The following FREM2 variants were observed in gnomAD, a reference collection of about 807,000 sequenced individuals.
The protein encoded by FREM2 is FRAS1-related extracellular matrix protein 2.
A neutral mutation model predicts 219.9 loss-of-function variants in FREM2; 119 were observed. The ratio of observed to expected loss-of-function variants is 0.54; its 90% confidence interval spans 0.47 to 0.63. The LOEUF (loss-of-function observed/expected upper bound fraction) is 0.63, where lower values mean the gene tolerates loss of function less well. FREM2 is among the 30% of genes least tolerant of loss of function. The probability of loss-of-function intolerance (pLI) is 0.00; values close to 1 mark genes in which losing one functional copy is unlikely to be tolerated. For missense variants in FREM2, 4,030 were observed against 3,993.6 expected (o/e 1.01, Z -0.25); for synonymous variants, 1,562 against 1,522.8 (o/e 1.03, Z -0.60).
intron 2 of FREM2, among the ~76,000 whole-genome samples, chr13:38,752,875 C>CT (rs2137796115): frequency 6.6e-6 from 1 of 152,292 alleles, no homozygotes; most frequent in African/African-American, 2.4e-5. Context: ...AGAACCACTG[C>CT]TTTCCTTTAG....
At chr13:38,875,644 G>GT (rs1299096311) in intron 18 of FREM2, among the ~76,000 whole-genome samples, 2 of 152,328 alleles carry the variant, frequency 1.3e-5, no homozygotes, top group East Asian at 3.9e-4. Context: ...AGTTCAGCTC[G>GT]TAACTTCAGT....
chr13:38,718,784 AG>A (rs1206076016), intron 2 of FREM2, among the ~76,000 whole-genome samples: 1 of 152,234 alleles, frequency 6.6e-6, no homozygotes, highest in Non-Finnish European at 1.5e-5. Flanking sequence ...GCAGGTTGGT[AG>A]GTGGGCCAGC....
Position 38,880,545 on chromosome 13 carries a change from G to A in FREM2, c.9268G>A (p.Gly3090Arg). 6.2e-7 allele frequency: 1 copy of A among 1,614,176 alleles called. No individual in the cohort carries two copies. Among genetic ancestry groups the A allele is most frequent in the South Asian group, 1.1e-5 (1 of 91,082 alleles). Reference protein sequence around the residue: ...LDRTKRQIPHGRAPPDGILPW... With the variant: ...LDRTKRQIPHRRAPPDGILPW... ...CCGCACCAAGAGGCAGATCCCCCATGGGAGAGCACCTCCAGATGGCATCCT... is the reference window on the plus strand; with the variant it reads ...CCGCACCAAGAGGCAGATCCCCCATAGGAGAGCACCTCCAGATGGCATCCT... The change falls in exon 24 of 24, where the codon GGG (glycine) becomes AGG (arginine). Residue 3090 changes from glycine (G) to arginine (R), a missense_variant. This residue lies in a region of FREM2 where 928 missense variants were observed against 1,042.9 expected (regional missense o/e 0.89). Transcript: ENST00000280481.
Position 38,764,804 on chromosome 13 carries a change from T to C in FREM2, c.5410+354T>C, listed in dbSNP as rs142045499. On this transcript the variant is annotated intron_variant, in intron 3 of 23. Transcript: ENST00000280481. ...TCGTGACCTTTCTTTGTAACAACAGTAAATTGTTAAATACTAATGATTTTC... is the reference window on the plus strand; with the variant it reads ...TCGTGACCTTTCTTTGTAACAACAGCAAATTGTTAAATACTAATGATTTTC... Among the ~76,000 whole-genome samples the C allele has an allele frequency of 2.1e-3, 324 of 152,370 alleles. 2 individuals are homozygous for C. The highest frequency in any genetic ancestry group is 7.5e-3 in the African/African-American group (311 of 41,588).
At chr13:38,843,022 G>C (rs1397664407) in intron 6 of FREM2, among the ~76,000 whole-genome samples, 1 of 152,010 alleles carries the variant, frequency 6.6e-6, no homozygotes, top group Admixed American at 6.6e-5. Flanking sequence ...AGAGTGTAGA[G>C]TTTGGCTTCC....
At chr13:38,784,439 A>T in intron 5 of FREM2, 118 bp from the exon 6 acceptor site, 1 of 1,076,052 alleles carries the variant, frequency 9.3e-7, no homozygotes, top group Non-Finnish European at 1.4e-6. Flanking sequence ...TTGCAGTTCT[A>T]GGGGTGTTCA....
intron 1 of FREM2, among the ~76,000 whole-genome samples, chr13:38,695,049 T>C (rs1451650048): frequency 6.6e-6 from 1 of 152,212 alleles, no homozygotes; most frequent in Non-Finnish European, 1.5e-5. Flanking sequence ...CTGAAATAAA[T>C]TTAATGTATA....
chr13:38,836,667 T>C (rs898209333), intron 6 of FREM2, among the ~76,000 whole-genome samples: 1 of 152,180 alleles, frequency 6.6e-6, no homozygotes, highest in Admixed American at 6.5e-5. Flanking sequence ...CCTGGTTTAG[T>C]CTTGGAAGGG....
intron 2 of FREM2, among the ~76,000 whole-genome samples, chr13:38,756,842 G>T (rs1208827083): frequency 1.3e-5 from 2 of 152,002 alleles, no homozygotes; most frequent in Non-Finnish European, 2.9e-5. Flanking sequence ...TGCCTGGCTG[G>T]TTGGGGACCA....
Position 38,877,137 on chromosome 13 carries a change from T to C in FREM2, c.8565T>C (p.Ala2855=), listed in dbSNP as rs1878368132. 6.2e-7 allele frequency: 1 copy of C among 1,614,028 alleles called. No homozygotes were observed. Among genetic ancestry groups the C allele is most frequent in the African/African-American group, 1.3e-5 (1 of 74,934 alleles). Residue 2855 remains alanine, a synonymous_variant, in exon 21 of 24, where the codon GCT becomes GCC. Coordinates refer to ENST00000280481, the MANE Select transcript of FREM2 (RefSeq NM_207361.6). ...TTTAGGTCAGTGATCCAGTGGCTGC[T>C]GAGTTTAGCTTGAACACCCAAATGT... ...RFQQVSDPVA[A]EFSLNTQMYL... is the part of the protein sequence containing the mutation.
chr13:38,717,048 C>G (rs896328116), intron 2 of FREM2, among the ~76,000 whole-genome samples: 1 of 152,192 alleles, frequency 6.6e-6, no homozygotes, highest in African/African-American at 2.4e-5. Context: ...GAAGCAGAAA[C>G]TCTAACAAGT....
chr13:38,840,703 T>C (rs9548485), intron 6 of FREM2, among the ~76,000 whole-genome samples: 72 of 149,028 alleles, frequency 4.8e-4, no homozygotes, highest in African/African-American at 1.4e-3. Context: ...TGTGCATATA[T>C]ACACACACAC....
At position 38,880,488 on chromosome 13, in the gene FREM2, C is replaced by A. The variant is rs770821934; in HGVS notation, c.9211C>A (p.Arg3071=). Residue 3071 remains arginine, a synonymous_variant, in exon 24 of 24, where the codon CGA becomes AGA. Coordinates refer to ENST00000280481, the MANE Select transcript of FREM2 (RefSeq NM_207361.6). ...ATGGGAGATTGGTGCTGAAAACAGT[C>A]GAGGAACAAACATCCAGCACATTGC... is the stretch of plus-strand genomic sequence containing the variant. ...LAWEIGAENS[R]GTNIQHIALD... 6.2e-7 allele frequency: 1 copy of A among 1,614,006 alleles called. No individual in the cohort carries two copies. The highest frequency in any genetic ancestry group is 8.5e-7 in the Non-Finnish European group (1 of 1,180,006).
chr13:38,724,601 T>TA (rs1289632602), intron 2 of FREM2, among the ~76,000 whole-genome samples: 3 of 152,192 alleles, frequency 2.0e-5, no homozygotes, highest in Non-Finnish European at 4.4e-5. Flanking sequence ...GAAAGTTATT[T>TA]AAAAAAATTG....
intron 2 of FREM2, among the ~76,000 whole-genome samples, chr13:38,701,021 A>G (rs1870322885): frequency 6.6e-6 from 1 of 152,096 alleles, no homozygotes; most frequent in South Asian, 2.1e-4. Context: ...GTTCAGAGGT[A>G]CATGTGGAGG....
chr13:38,752,306 A>G (rs963507856), intron 2 of FREM2, among the ~76,000 whole-genome samples: 1 of 152,188 alleles, frequency 6.6e-6, no homozygotes, highest in African/African-American at 2.4e-5. Flanking sequence ...GTATAATGCT[A>G]TATATGTCTT....
chr13:38,735,333 T>C (rs1398586922), intron 2 of FREM2, among the ~76,000 whole-genome samples: 2 of 152,204 alleles, frequency 1.3e-5, no homozygotes, highest in Non-Finnish European at 2.9e-5. Context: ...TTAGAAATTA[T>C]GTGATTGAGT....
intron 16 of FREM2, among the ~76,000 whole-genome samples, chr13:38,865,267 A>G (rs1441682388): frequency 6.6e-6 from 1 of 152,180 alleles, no homozygotes; most frequent in East Asian, 1.9e-4. Flanking sequence ...ACATACACAC[A>G]CACAATCCTC....
chr13:38,697,506 G>A (rs532562867), intron 1 of FREM2, among the ~76,000 whole-genome samples, 192 bp from the exon 2 acceptor site: 4 of 152,316 alleles, frequency 2.6e-5, no homozygotes, highest in African/African-American at 7.2e-5. Context: ...CTGTGTGAGG[G>A]ATCAGGTGTC....
Sources: allele counts gnomAD v4.1 joint callset (sites outside exome capture counted in the v4.1 genomes callset), GRCh38; gene constraint gnomAD v4.1.1; regional missense constraint gnomAD v4.1.1; transcripts MANE v1.5; gene names NCBI Gene and HGNC (gene_info 2026-07-23, HGNC 2026-07-21).